The following LSAMP variants were observed in gnomAD, a reference collection of about 807,000 sequenced individuals.
The protein encoded by LSAMP is limbic system associated membrane protein.
In LSAMP, 7 loss-of-function variants were observed where a neutral mutation model predicts 38.6. The observed-to-expected ratio is 0.18, with a 90% CI of 0.10 to 0.34. The LOEUF (loss-of-function observed/expected upper bound fraction) is 0.34. LSAMP is among the 10% of genes least tolerant of loss of function. The probability of loss-of-function intolerance (pLI) is 1.00; values close to 1 mark genes in which losing one functional copy is unlikely to be tolerated. For missense variants in LSAMP, 313 were observed against 420.0 expected, an observed-to-expected ratio of 0.75 and a Z score of 2.23; for synonymous variants, 154 against 166.8, an observed-to-expected ratio of 0.92 and a Z score of 0.59.
At chr3:116,223,055 C>T (rs1333257518) in intron 1 of LSAMP, among the ~76,000 whole-genome samples, 1 of 150,866 alleles carries the variant, frequency 6.6e-6, no homozygotes, top group East Asian at 1.9e-4. Context: ...ACATAAACTG[C>T]ACAAAGGGTG....
At chr3:116,036,709 T>TAA (rs34950176) in intron 2 of LSAMP, among the ~76,000 whole-genome samples, 34,074 of 152,096 alleles carry the variant, frequency 0.22, 4,849 homozygotes, top group African/African-American at 0.41. Context: ...AAAGATAATA[T>TAA]AAGAGTATTA....
At chr3:116,235,306 G>A (rs140819524) in intron 1 of LSAMP, among the ~76,000 whole-genome samples, 4 of 152,106 alleles carry the variant, frequency 2.6e-5, no homozygotes, top group African/African-American at 9.6e-5. Context: ...TGTAGAGACA[G>A]GAGCTCACTA....
chr3:115,921,598 T>A (rs1937384293), intron 3 of LSAMP, among the ~76,000 whole-genome samples: 1 of 152,132 alleles, frequency 6.6e-6, no homozygotes, highest in Non-Finnish European at 1.5e-5. Context: ...CATTGCAGTA[T>A]TACAGTATTC....
intron 1 of LSAMP, among the ~76,000 whole-genome samples, chr3:116,334,949 T>C (rs2047899834): frequency 6.6e-6 from 1 of 152,070 alleles, no homozygotes; most frequent in African/African-American, 2.4e-5. Flanking sequence ...TAAAATTATG[T>C]CTATTTGCAT....
chr3:116,231,232 C>A (rs959588356), intron 1 of LSAMP, among the ~76,000 whole-genome samples: 10 of 152,130 alleles, frequency 6.6e-5, no homozygotes, highest in Admixed American at 2.6e-4. Flanking sequence ...ACATTTGATG[C>A]AGTGAAAGGT....
At chr3:116,039,414 C>T (rs1412341729) in intron 2 of LSAMP, among the ~76,000 whole-genome samples, 1 of 152,226 alleles carries the variant, frequency 6.6e-6, no homozygotes, top group Non-Finnish European at 1.5e-5. Flanking sequence ...CTATTATTCA[C>T]TCTGTGAGAG....
At chr3:116,052,729 C>A (rs780031415) in intron 2 of LSAMP, among the ~76,000 whole-genome samples, 1 of 152,178 alleles carries the variant, frequency 6.6e-6, no homozygotes, top group Non-Finnish European at 1.5e-5. Flanking sequence ...TCAGAGAGGG[C>A]CTGCACTCAT....
intron 1 of LSAMP, among the ~76,000 whole-genome samples, chr3:116,440,755 T>C (rs968303423): frequency 2.0e-5 from 3 of 152,228 alleles, no homozygotes; most frequent in African/African-American, 7.2e-5. Context: ...GCACGATCCT[T>C]ACAGTATCAG....
chr3:116,155,215 T>C (rs1216269561), intron 1 of LSAMP, among the ~76,000 whole-genome samples: 1 of 151,600 alleles, frequency 6.6e-6, no homozygotes, highest in Non-Finnish European at 1.5e-5. Context: ...TTGAGGTCTG[T>C]TTTTTTTGTT....
At chr3:116,316,778 G>A (rs112630747) in intron 1 of LSAMP, among the ~76,000 whole-genome samples, 10,583 of 118,368 alleles carry the variant, frequency 0.089, no homozygotes, top group Non-Finnish European at 0.099. Context: ...CTCAAAAAAA[G>A]AAAAAAAAAA....
chr3:116,276,756 C>T (rs933564466), intron 1 of LSAMP, among the ~76,000 whole-genome samples: 1 of 151,416 alleles, frequency 6.6e-6, no homozygotes, highest in African/African-American at 2.4e-5. Context: ...GCAAAGAAAA[C>T]CCATAAAAAA....
At chr3:116,381,329 G>A (rs1449570887) in intron 1 of LSAMP, among the ~76,000 whole-genome samples, 2 of 152,022 alleles carry the variant, frequency 1.3e-5, no homozygotes, top group African/African-American at 2.4e-5. Context: ...ATGTATTTGT[G>A]TGTATTATAA....
Position 116,445,172 on chromosome 3 carries a change from G to T in LSAMP, c.-141C>A. On this transcript the variant is annotated 5_prime_UTR_variant, in exon 1 of 7. Transcript: ENST00000490035. ...GCCAGTTTATGGTCCTTTCCACTTT[G>T]CCTCTCTCTTTCCCTCGCTCAGTCT... The T allele has an allele frequency of 2.6e-6, 2 of 762,412 alleles. No homozygotes were observed. The highest frequency in any genetic ancestry group is 4.2e-6 in the Non-Finnish European group (2 of 481,280). 47.2% of individuals were successfully genotyped at this position (762,412 alleles called of 1,614,324 possible). A position where few individuals can be genotyped will look rare whatever the true frequency, so the allele number is the denominator to read the frequency against.
chr3:116,298,045 C>A (rs1392901759), intron 1 of LSAMP, among the ~76,000 whole-genome samples: 1 of 152,178 alleles, frequency 6.6e-6, no homozygotes, highest in Non-Finnish European at 1.5e-5. Context: ...AAAAGGCATG[C>A]TTCTTCAACA....
At chr3:115,834,480 TC>T (rs1559842272) in intron 6 of LSAMP, 4 of 1,031,592 alleles carry the variant, frequency 3.9e-6, no homozygotes, top group South Asian at 1.3e-5. Context: ...GAATGTGTTT[TC>T]CCCCCTTTGT....
intron 1 of LSAMP, among the ~76,000 whole-genome samples, chr3:116,307,238 T>C (rs1178654951): frequency 6.6e-6 from 1 of 152,046 alleles, no homozygotes; most frequent in Non-Finnish European, 1.5e-5. Flanking sequence ...CAGAACACTA[T>C]AATAAGTAAT....
intron 2 of LSAMP, among the ~76,000 whole-genome samples, chr3:116,057,932 TACAC>T (rs535645480): frequency 4.8e-4 from 66 of 136,726 alleles, no homozygotes; most frequent in Non-Finnish European, 7.6e-4. Flanking sequence ...ATATAGTAGC[TACAC>T]ACACACACAC....
chr3:115,987,830 A>G lies in LSAMP; in HGVS notation c.514+31685T>C, dbSNP rs536944725. Among the ~76,000 whole-genome samples the G allele has an allele frequency of 2.6e-5, 4 of 152,268 alleles. No homozygotes were observed. The East Asian group carries it at 5.8e-4, about 22-fold the overall frequency. ...CAGTCAGGAGAAAATTCTTGAATAT[A>G]AGATTTGCTATTTAAAAATTGCATG... On this transcript the variant is annotated intron_variant, in intron 3 of 6. Coordinates refer to ENST00000490035, the MANE Select transcript of LSAMP (RefSeq NM_002338.5).
At chr3:115,831,490 G>T (rs1213324418) in intron 6 of LSAMP, among the ~76,000 whole-genome samples, 2 of 152,092 alleles carry the variant, frequency 1.3e-5, no homozygotes, top group African/African-American at 4.8e-5. Context: ...TGAACCTACG[G>T]TCCTCAATGT....
Sources: allele counts gnomAD v4.1 joint callset (sites outside exome capture counted in the v4.1 genomes callset), GRCh38; gene constraint gnomAD v4.1.1; transcripts MANE v1.5; gene names NCBI Gene and HGNC (gene_info 2026-07-23, HGNC 2026-07-21).